Variants in OSGEPL1 observed in about 807,000 individuals in gnomAD.
OSGEPL1 encodes O-sialoglycoprotein endopeptidase like 1, also known as tRNA N6-adenosine threonylcarbamoyltransferase, mitochondrial.
In OSGEPL1, 26 loss-of-function variants were observed where a neutral mutation model predicts 37.2. The observed-to-expected ratio is 0.70, with a 90% confidence interval of 0.51 to 0.97. The LOEUF (loss-of-function observed/expected upper bound fraction) is 0.97. Among genes scored for constraint, OSGEPL1 ranks in the 50% least tolerant of loss-of-function variants. The pLI is 0.00. For synonymous variants in OSGEPL1, 140 were observed against 159.9 expected (o/e 0.88, Z 0.94); for missense variants, 404 against 487.0 (o/e 0.83, Z 1.60).
rs564612230 is a variant in OSGEPL1 at position 189,757,089 on chromosome 2, G to A, written c.222-1529C>T. Among the ~76,000 whole-genome samples, 3 of 152,272 alleles carry A rather than the reference G, an allele frequency of 2.0e-5. No individual in the cohort carries two copies. The South Asian group carries it at 6.2e-4, about 32-fold the overall frequency. ...ATAATAACAATGTATTTTTGTCTAT[G>A]ATTTGTAGACAGTATGGAGTGTGGA... On this transcript the variant is annotated intron_variant, in intron 2 of 8. Transcript: ENST00000264151.
chr2:189,748,859 A>G (rs1441786867), intron 8 of OSGEPL1, among the ~76,000 whole-genome samples: 1 of 152,198 alleles, frequency 6.6e-6, no homozygotes, highest in Non-Finnish European at 1.5e-5. Context: ...CTTTGCATTC[A>G]ATGCCAGATA....
chr2:189,757,409 T>G (rs185499143), intron 2 of OSGEPL1, among the ~76,000 whole-genome samples: 90 of 152,370 alleles, frequency 5.9e-4, no homozygotes, highest in Non-Finnish European at 1.1e-3. Flanking sequence ...ATCTGCTTAC[T>G]GTCTTCTTCA....
At chr2:189,762,555 G>A (rs1196485699) in intron 1 of OSGEPL1, 130 bp downstream of exon 1, 70 of 978,498 alleles carry the variant, frequency 7.2e-5, no homozygotes, top group Non-Finnish European at 8.3e-5. Flanking sequence ...GAAAGCTGCA[G>A]GCTGAACCCA....
chr2:189,746,714 T>C lies in OSGEPL1; in HGVS notation c.*483A>G. 1 of 1,325,364 alleles carries C rather than the reference T, an allele frequency of 7.5e-7. No individual in the cohort carries two copies. The highest frequency in any genetic ancestry group is 1.0e-6 in the Non-Finnish European group (1 of 998,532). 82.1% of individuals were successfully genotyped at this position (1,325,364 alleles called of 1,614,324 possible). On this transcript the variant is annotated 3_prime_UTR_variant, in exon 9 of 9. Transcript: ENST00000264151. ...AATGGTAATATGCAAATAACATAAC[T>C]GAATAATCTTTTTGAATGAAAGTTC...
intron 2 of OSGEPL1, among the ~76,000 whole-genome samples, chr2:189,760,342 G>A (rs942469442): frequency 6.6e-6 from 1 of 152,160 alleles, no homozygotes; most frequent in Non-Finnish European, 1.5e-5. Context: ...GCCAGGCGGA[G>A]GGGCCCCCAC....
chr2:189,754,753 G>T lies in OSGEPL1; in HGVS notation c.610-408C>A, dbSNP rs776391579. 1.4e-4 allele frequency: 32 copies of T among 236,614 alleles called. 1 individual carries two copies. The highest frequency in any genetic ancestry group is 2.3e-4 in the Non-Finnish European group (29 of 124,740). 14.7% of individuals were successfully genotyped at this position (236,614 alleles called of 1,614,324 possible). A position where few individuals can be genotyped will look rare whatever the true frequency, so the allele number is the denominator to read the frequency against. On this transcript the variant is annotated intron_variant, in intron 3 of 8. Transcript: ENST00000264151. ...GCCTCTGTAGTATTCTAAAACAAAG[G>T]GGGGTGGGGGGGGACCCTGTCTGTG... is the stretch of plus-strand genomic sequence containing the variant.
intron 8 of OSGEPL1, among the ~76,000 whole-genome samples, chr2:189,748,578 T>A (rs2044548164): frequency 6.6e-6 from 1 of 152,244 alleles, no homozygotes; most frequent in Admixed American, 6.5e-5. Context: ...CTAAATTATC[T>A]TAATGGTGCT....
chr2:189,762,220 T>C (rs2047183244), intron 1 of OSGEPL1, among the ~76,000 whole-genome samples: 2 of 152,206 alleles, frequency 1.3e-5, no homozygotes, highest in African/African-American at 4.8e-5. Context: ...TGCTACAGGT[T>C]TTGTCATAAC....
In OSGEPL1 at chr2:189,755,510, A is replaced by G; in HGVS notation, c.272T>C (p.Ile91Thr). 4 of 1,602,160 alleles carry G rather than the reference A, an allele frequency of 2.5e-6. No homozygotes were observed. The highest frequency in any genetic ancestry group is 2.5e-6 in the Non-Finnish European group (3 of 1,176,926). Reference protein sequence around the residue: ...PAAQQLHRENIQRIVQEALSA... With the variant: ...PAAQQLHRENTQRIVQEALSA... ...AAGAGCTTCTTGTACTATTCGTTGA[A>G]TATTTTCTCTGTGAAGCTGTTGAGC... The change falls in exon 3 of 9, where the codon ATT becomes ACT. Residue 91 changes from isoleucine to threonine, a missense_variant. Coordinates refer to ENST00000264151, the MANE Select transcript of OSGEPL1 (RefSeq NM_022353.3).
At chr2:189,749,290 T>A (rs200565757) in intron 8 of OSGEPL1, among the ~76,000 whole-genome samples, 1 of 348 alleles carries the variant, frequency 2.9e-3, no homozygotes, top group Non-Finnish European at 0.01. Context: ...TACTCCACGG[T>A]TTTTTTTTTT....
chr2:189,759,842 A>G lies in OSGEPL1; in HGVS notation c.221+1578T>C, dbSNP rs373354416. On this transcript the variant is annotated intron_variant, in intron 2 of 8. Transcript: ENST00000264151. ...GCAGGGCCATAGGACAATAGTGGAG[A>G]GAAGGTCAGCAGATAAACATGTGAA... 2.6e-4 allele frequency among the ~76,000 whole-genome samples: 40 copies of G among 152,038 alleles called. No individual in the cohort carries two copies. In the East Asian group the frequency reaches 7.0e-3, roughly 26 times the overall value.
intron 2 of OSGEPL1, among the ~76,000 whole-genome samples, chr2:189,759,350 G>A (rs1362340932): frequency 6.6e-6 from 1 of 151,768 alleles, no homozygotes; most frequent in Non-Finnish European, 1.5e-5. Context: ...CCGGGTTCAC[G>A]CCATTCTCCT....
At chr2:189,757,219 A>C (rs193106183) in intron 2 of OSGEPL1, among the ~76,000 whole-genome samples, 17 of 152,334 alleles carry the variant, frequency 1.1e-4, no homozygotes, top group Admixed American at 5.9e-4. Flanking sequence ...GTCAGTGAGA[A>C]GGGAGAGGAA....
intron 2 of OSGEPL1, among the ~76,000 whole-genome samples, chr2:189,755,976 T>A (rs1434045352): frequency 1.3e-5 from 2 of 152,112 alleles, no homozygotes; most frequent in Non-Finnish European, 2.9e-5. Context: ...ACTGGGCGAT[T>A]GTGGGAATGG....
Position 189,761,227 on chromosome 2 carries a change from A to G in OSGEPL1, c.221+193T>C, listed in dbSNP as rs147107644. ...GTTTCTTTTGGCAACAGGATTAGTT[A>G]AGGTTGGGACCTTATTGTGAAGACC... On this transcript the variant is annotated intron_variant, in intron 2 of 8. Transcript: ENST00000264151. The G allele has an allele frequency of 7.5e-4, 325 of 431,366 alleles. 1 individual carries two copies. Among genetic ancestry groups the G allele is most frequent in the African/African-American group, 6.3e-3 (307 of 48,842 alleles). The allele number at this position is 431,366 out of a possible 1,614,324, so 26.7% of individuals were successfully genotyped here.
At chr2:189,749,244 TAAAAAAAAAAA>T (rs397987026) in intron 8 of OSGEPL1, among the ~76,000 whole-genome samples, 1 of 63,254 alleles carries the variant, frequency 1.6e-5, no homozygotes, top group Admixed American at 2.8e-4. Context: ...AGACTCTGTC[TAAAAAAAAAAA>T]AAAAAAAAAA....
At chr2:189,762,590 C>T (rs2047275842) in intron 1 of OSGEPL1, 95 bp downstream of exon 1, 1 of 985,484 alleles carries the variant, frequency 1.0e-6, no homozygotes, top group African/African-American at 1.7e-5. Flanking sequence ...CGCTGGTCTC[C>T]TGTCGGCTGT....
chr2:189,761,765 C>T, intron 1 of OSGEPL1, 105 bp from the exon 2 acceptor site: 1 of 1,238,472 alleles, frequency 8.1e-7, no homozygotes, highest in Non-Finnish European at 1.1e-6. Flanking sequence ...GTAAAAGTCA[C>T]CAAAAGTTTG....
intron 1 of OSGEPL1, 35 bp downstream of exon 1, chr2:189,762,649 GC>G (rs757884680): frequency 8.1e-6 from 8 of 985,332 alleles, no homozygotes; most frequent in Non-Finnish European, 8.4e-6. Context: ...GTGCGCAAAA[GC>G]GTCAGTGGGG....
Sources: allele counts gnomAD v4.1 joint callset (sites outside exome capture counted in the v4.1 genomes callset), GRCh38; gene constraint gnomAD v4.1.1; transcripts MANE v1.5; gene names NCBI Gene and HGNC (gene_info 2026-07-23, HGNC 2026-07-21).